The following DMD variants were observed in gnomAD, a reference collection of about 807,000 sequenced individuals.
DMD encodes the protein mutant dystrophin.
Under a neutral mutation model 330.1 loss-of-function variants are expected in DMD, and 63 were observed. The observed-to-expected ratio is 0.19, with a 90% CI of 0.16 to 0.24. DMD has a LOEUF of 0.24. Among genes scored for constraint, DMD ranks in the 10% least tolerant of loss-of-function variants. The pLI, the probability that DMD is intolerant of heterozygous loss-of-function variation, is 1.00. For missense variants in DMD, 3,344 were observed against 2,684.1 expected, an observed-to-expected ratio of 1.25 and a Z score of -5.43; for synonymous variants, 1,223 against 959.8, an observed-to-expected ratio of 1.27 and a Z score of -5.07.
At chrX:31,701,752 TG>T (rs1292871772) in intron 52 of DMD, among the ~76,000 whole-genome samples, 4 of 112,629 alleles carry the variant, frequency 3.6e-5, no homozygotes, top group Non-Finnish European at 5.6e-5. Flanking sequence ...ACTTAAAGGA[TG>T]GTTTGTGTAT....
At chrX:32,441,414 T>G in intron 27 of DMD, 100 bp from the exon 28 acceptor site, 1 of 854,272 alleles carries the variant, frequency 1.2e-6, no homozygotes, top group East Asian at 3.2e-5. Flanking sequence ...TATAACACTT[T>G]GTATTTTTCA....
At chrX:31,988,306 A>C (rs1238793194) in intron 44 of DMD, among the ~76,000 whole-genome samples, 1 of 108,098 alleles carries the variant, frequency 9.3e-6, no homozygotes, top group Non-Finnish European at 1.9e-5. Flanking sequence ...CTCCGTCTCT[A>C]CTAAAAAAAT....
intron 53 of DMD, among the ~76,000 whole-genome samples, chrX:31,671,163 C>T (rs1052207586): frequency 5.4e-5 from 6 of 111,986 alleles, no homozygotes; most frequent in Non-Finnish European, 1.1e-4. Context: ...CCAACTGCCT[C>T]GGCCTCCCAA....
At chrX:32,769,546 T>C (rs1255997742) in intron 7 of DMD, among the ~76,000 whole-genome samples, 1 of 111,969 alleles carries the variant, frequency 8.9e-6, no homozygotes, top group South Asian at 3.7e-4. Context: ...TAAGCTCCTT[T>C]CTATTTTGGC....
At chrX:31,882,405 C>T (rs1358556509) in intron 47 of DMD, among the ~76,000 whole-genome samples, 3 of 111,258 alleles carry the variant, frequency 2.7e-5, no homozygotes, top group Non-Finnish European at 3.8e-5. Context: ...AGATTGTTTG[C>T]AGACCTCAAT....
Position 32,644,182 on chromosome X carries a change from T to A in DMD, c.1281A>T (p.Leu427=). ...CCCTGAGGCATTCCCATCTTGAATT[T>A]AGGAGATTCATCTGCTCTTGTACTT... The part of the protein sequence containing the change: ...ETEVQEQMNL[L]NSRWECLRVA... Residue 427 remains leucine (L), a synonymous_variant, in exon 11 of 79, where the codon CTA becomes CTT. Coordinates refer to ENST00000357033, the MANE Select transcript of DMD (RefSeq NM_004006.3). 8.3e-7 allele frequency: 1 copy of A among 1,210,812 alleles called. No homozygotes were observed. Among genetic ancestry groups the A allele is most frequent in the East Asian group, 3.0e-5 (1 of 33,816 alleles).
At chrX:32,443,570 C>T (rs1487646819) in intron 27 of DMD, among the ~76,000 whole-genome samples, 1 of 110,753 alleles carries the variant, frequency 9.0e-6, no homozygotes, top group African/African-American at 3.3e-5. Flanking sequence ...GTCTTATTAA[C>T]TTTGGTGCAG....
chrX:31,412,742 T>C (rs2061700503), intron 60 of DMD, among the ~76,000 whole-genome samples: 1 of 112,302 alleles, frequency 8.9e-6, no homozygotes, highest in Admixed American at 9.4e-5. Flanking sequence ...ATTTCTCTAT[T>C]GTTTAAGCTA....
At chrX:32,056,405 A>C (rs867166031) in intron 44 of DMD, among the ~76,000 whole-genome samples, 1,728 of 108,713 alleles carry the variant, frequency 0.016, 37 homozygotes, top group African/African-American at 0.054. Flanking sequence ...AAAAAAAAAA[A>C]AAAAGGAAAA....
At chrX:32,583,671 A>C (rs776727713) in intron 13 of DMD, 1 of 111,417 alleles carries the variant, frequency 9.0e-6, no homozygotes, top group Admixed American at 9.6e-5. Context: ...ATGACACCAC[A>C]GAATATTGAG....
At chrX:32,097,296 G>A (rs1257810972) in intron 44 of DMD, among the ~76,000 whole-genome samples, 1 of 110,269 alleles carries the variant, frequency 9.1e-6, no homozygotes. Context: ...TTCCCCTCCC[G>A]GTGTCCATGT....
intron 1 of DMD, among the ~76,000 whole-genome samples, chrX:33,175,569 T>C (rs1027703910): frequency 4.5e-5 from 5 of 112,322 alleles, no homozygotes; most frequent in African/African-American, 3.2e-5. Flanking sequence ...CACAAAGCTT[T>C]ATTATGATTT....
At chrX:31,569,670 G>GTA (rs1036187452) in intron 55 of DMD, among the ~76,000 whole-genome samples, 10 of 98,199 alleles carry the variant, frequency 1.0e-4, no homozygotes, top group South Asian at 9.1e-4. Context: ...GTATATATAC[G>GTA]TATATATATA....
chrX:31,754,368 G>A (rs4433306), intron 51 of DMD, among the ~76,000 whole-genome samples: 15,469 of 110,425 alleles, frequency 0.14, 948 homozygotes, highest in East Asian at 0.25. Flanking sequence ...AAAATTAATG[G>A]TAAGTTGGTT....
chrX:31,643,612 T>A (rs889292054), intron 54 of DMD, among the ~76,000 whole-genome samples: 1 of 112,003 alleles, frequency 8.9e-6, no homozygotes, highest in Non-Finnish European at 1.9e-5. Flanking sequence ...TGTGCTCAAA[T>A]GATATAAGAA....
intron 1 of DMD, among the ~76,000 whole-genome samples, chrX:33,219,610 A>G (rs1484397134): frequency 9.0e-6 from 1 of 110,995 alleles, no homozygotes; most frequent in East Asian, 2.8e-4. Context: ...CTTACCAAAT[A>G]TAAGCAAAAC....
At chrX:33,123,891 G>A (rs1354685825) in intron 1 of DMD, among the ~76,000 whole-genome samples, 3 of 110,691 alleles carry the variant, frequency 2.7e-5, no homozygotes, top group Non-Finnish European at 5.7e-5. Flanking sequence ...AAGGCTGGGC[G>A]TTGTGAGTCA....
chrX:32,292,439 C>T (rs768799095), intron 42 of DMD, among the ~76,000 whole-genome samples: 1 of 106,722 alleles, frequency 9.4e-6, no homozygotes, highest in Non-Finnish European at 1.9e-5. Context: ...TCCCGAGTAG[C>T]TGGGACTATA....
chrX:32,778,693 T>C (rs1476051746), intron 7 of DMD, among the ~76,000 whole-genome samples: 2 of 111,573 alleles, frequency 1.8e-5, no homozygotes, highest in East Asian at 2.8e-4. Context: ...TCCTCCATTC[T>C]TCAAAGCGAA....
Sources: gnomAD v4.1 joint callset for allele counts (sites outside exome capture counted in the v4.1 genomes callset) on GRCh38, gnomAD v4.1.1 for gene constraint, MANE v1.5 for transcripts, NCBI Gene and HGNC (gene_info 2026-07-23, HGNC 2026-07-21) for gene names.